SCN1A: variants seen among roughly 807,000 people sequenced by gnomAD.
The protein encoded by SCN1A is sodium channel protein type 1 subunit alpha.
Under a neutral mutation model 193.7 loss-of-function variants are expected in SCN1A, and 13 were observed. The observed-to-expected ratio is 0.07, with a 90% CI of 0.04 to 0.11. The LOEUF (loss-of-function observed/expected upper bound fraction) is 0.11, where lower values mean the gene tolerates loss of function less well. Among genes scored for constraint, SCN1A ranks in the 10% least tolerant of loss-of-function variants. The pLI, the probability that SCN1A is intolerant of heterozygous loss-of-function variation, is 1.00. For missense variants in SCN1A, 1,432 were observed against 2,451.1 expected (o/e 0.58, Z 8.78); for synonymous variants, 781 against 843.6 (o/e 0.93, Z 1.29).
intron 1 of SCN1A, among the ~76,000 whole-genome samples, chr2:166,148,886 A>G (rs937735326): frequency 2.0e-5 from 3 of 152,298 alleles, no homozygotes; most frequent in East Asian, 3.9e-4. Flanking sequence ...TTACTCCTTA[A>G]GTGTCTCAAA....
chr2:166,000,408 G>A (rs1690666554), intron 24 of SCN1A, among the ~76,000 whole-genome samples: 1 of 151,638 alleles, frequency 6.6e-6, no homozygotes, highest in Admixed American at 6.6e-5. Flanking sequence ...ATATGAATAA[G>A]AAATGTGAAC....
At position 165,991,591 on chromosome 2, in the gene SCN1A, G is replaced by T. The variant is rs1039777371; in HGVS notation, c.5684C>A (p.Ala1895Asp). The T allele has an allele frequency of 6.2e-7, 1 of 1,613,844 alleles. No individual in the cohort carries two copies. ...LRIQMEERFM[A>D]SNPSKVSYQP... is the part of the protein sequence containing the mutation. ...ATAGGAGACCTTGGAAGGATTGGAA[G>T]CCATGAATCGCTCTTCCATCTGTAT... The change falls in exon 29 of 29, where the codon GCT becomes GAT. Residue 1895 changes from alanine to aspartate, a missense_variant. Transcript: ENST00000674923.
chr2:166,046,278 T>C (rs1169575930), intron 12 of SCN1A, among the ~76,000 whole-genome samples: 1 of 152,210 alleles, frequency 6.6e-6, no homozygotes, highest in East Asian at 1.9e-4. Context: ...TTCATATGTC[T>C]ATTGGATGCT....
At chr2:166,069,378 A>G (rs1279622250) in intron 4 of SCN1A, among the ~76,000 whole-genome samples, 1 of 152,206 alleles carries the variant, frequency 6.6e-6, no homozygotes, top group Non-Finnish European at 1.5e-5. Context: ...AATATTACTG[A>G]ACATGGATTA....
rs1226849077 is a variant in SCN1A at position 165,988,083 on chromosome 2, G to C, written c.*3162C>G. The C allele has an allele frequency of 6.6e-6, 1 of 152,100 alleles. No homozygotes were observed. Among genetic ancestry groups the C allele is most frequent in the Non-Finnish European group, 1.5e-5 (1 of 68,040 alleles). 9.4% of individuals were successfully genotyped at this position (152,100 alleles called of 1,614,324 possible). The stretch of plus-strand genomic sequence containing the variant: ...CTCTTCTGGCTTCACCTGATGACAA[G>C]GGAAGGCTTCTCGTTCCTCAGAAAT... On this transcript the variant is annotated 3_prime_UTR_variant, in exon 29 of 29. Transcript: ENST00000674923.
intron 22 of SCN1A, 144 bp from the exon 23 acceptor site, chr2:166,009,985 AAAG>A (rs1692206563): frequency 4.1e-6 from 3 of 732,972 alleles, no homozygotes; most frequent in Non-Finnish European, 6.5e-6. Flanking sequence ...TTAAAAAATT[AAAG>A]AAATAATTTC....
At chr2:166,072,825 CCT>C (rs1559282267) in intron 4 of SCN1A, among the ~76,000 whole-genome samples, 1 of 145,160 alleles carries the variant, frequency 6.9e-6, no homozygotes, top group Non-Finnish European at 1.5e-5. Context: ...TCCCTCCCAC[CCT>C]CTCTTCTTTC....
chr2:166,145,856 T>C (rs1574656759), intron 1 of SCN1A, among the ~76,000 whole-genome samples: 1 of 152,130 alleles, frequency 6.6e-6, no homozygotes, highest in African/African-American at 2.4e-5. Flanking sequence ...AACTCTTTGA[T>C]GAGTTTGGGC....
At chr2:166,147,341 A>T (rs1429912358) in intron 1 of SCN1A, among the ~76,000 whole-genome samples, 2 of 152,250 alleles carry the variant, frequency 1.3e-5, no homozygotes, top group African/African-American at 4.8e-5. Context: ...ATACAAAGAT[A>T]TATATGGTAG....
At chr2:166,092,924 C>A (rs1031801290) in intron 2 of SCN1A, among the ~76,000 whole-genome samples, 3 of 151,994 alleles carry the variant, frequency 2.0e-5, no homozygotes, top group Non-Finnish European at 4.4e-5. Flanking sequence ...TCCATGTAAC[C>A]CATACTGAAA....
intron 10 of SCN1A, 105 bp from the exon 11 acceptor site, chr2:166,047,873 A>G: frequency 6.6e-7 from 1 of 1,505,180 alleles, no homozygotes; most frequent in Admixed American, 1.7e-5. Flanking sequence ...ATTTCAAAAT[A>G]AAAGTTTGAC....
intron 19 of SCN1A, among the ~76,000 whole-genome samples, chr2:166,029,476 T>C (rs1695256518): frequency 6.6e-6 from 1 of 152,116 alleles, no homozygotes; most frequent in South Asian, 2.1e-4. Context: ...GATAGTACTC[T>C]TCGCAGAGAG....
intron 4 of SCN1A, among the ~76,000 whole-genome samples, chr2:166,067,345 A>C (rs561037475): frequency 1.7e-4 from 26 of 152,306 alleles, no homozygotes; most frequent in African/African-American, 5.5e-4. Flanking sequence ...CCAAGTGTTG[A>C]AATGACCAGT....
chr2:166,085,668 G>A (rs1417150817), intron 2 of SCN1A, among the ~76,000 whole-genome samples: 1 of 152,076 alleles, frequency 6.6e-6, no homozygotes. Flanking sequence ...TAACTACCCT[G>A]GGGAATGAGT....
rs1032053918 is a variant in SCN1A, at chr2:165,990,694, A to G, written c.*551T>C. 3 of 155,278 alleles carry G rather than the reference A, an allele frequency of 1.9e-5. No homozygotes were observed. Among genetic ancestry groups the G allele is most frequent in the Admixed American group, 6.2e-5 (1 of 16,004 alleles). The allele number at this position is 155,278 out of a possible 1,614,324, so 9.6% of individuals were successfully genotyped here. A position where few individuals can be genotyped will look rare whatever the true frequency, so the allele number is the denominator to read the frequency against. ...GCAGCATGCCCTCATGCAAACCACG[A>G]CTTTGTGTAGCTGGGAGGGCCATGT... On this transcript the variant is annotated 3_prime_UTR_variant, in exon 29 of 29. Transcript: ENST00000674923.
chr2:166,041,517 TAC>T, intron 15 of SCN1A, 48 bp from the exon 16 acceptor site: 2 of 1,168,708 alleles, frequency 1.7e-6, no homozygotes, highest in Non-Finnish European at 2.5e-6. Context: ...GTATACTTTA[TAC>T]ACACACATTT....
intron 26 of SCN1A, 146 bp from the exon 27 acceptor site, chr2:165,996,263 A>C: frequency 1.8e-6 from 1 of 569,000 alleles, no homozygotes; most frequent in East Asian, 3.1e-5. Flanking sequence ...AATGTAAAAA[A>C]AATTGTACTC....
In SCN1A at chr2:166,044,710, C is replaced by T. The variant is rs545399772; in HGVS notation, c.1662+333G>A. 1.5e-3 allele frequency among the ~76,000 whole-genome samples: 148 copies of T among 95,892 alleles called. 1 individual carries two copies. Among genetic ancestry groups the T allele is most frequent in the African/African-American group, 5.0e-3 (111 of 22,002 alleles). The allele number at this position is 95,892 out of a possible 152,430, so 62.9% of individuals were successfully genotyped here. A position where few individuals can be genotyped will look rare whatever the true frequency, so the allele number is the denominator to read the frequency against. ...CTAAGGACATTCCTGATCGACTATC[C>T]GGAGTTCCACATTTTTTTTTTTCTT... On this transcript the variant is annotated intron_variant, in intron 13 of 28. Transcript: ENST00000674923.
chr2:166,002,854 A>G (rs971600804), intron 23 of SCN1A, 101 bp from the exon 24 acceptor site: 5 of 947,886 alleles, frequency 5.3e-6, no homozygotes, highest in East Asian at 2.6e-5. Context: ...CTTTTTTTCT[A>G]TCAATGCTAT....
Sources: allele counts gnomAD v4.1 joint callset (sites outside exome capture counted in the v4.1 genomes callset), GRCh38; gene constraint gnomAD v4.1.1; transcripts MANE v1.5; gene names NCBI Gene and HGNC (gene_info 2026-07-23, HGNC 2026-07-21).